Variants in SOX5 observed in about 807,000 individuals in gnomAD.
The protein encoded by SOX5 is transcription factor SOX-5.
Under a neutral mutation model 92.0 loss-of-function variants are expected in SOX5, and 9 were observed. That is an observed-to-expected ratio of 0.10 (90% CI 0.06 to 0.17). The LOEUF is 0.17. Among genes scored for constraint, SOX5 ranks in the 10% least tolerant of loss-of-function variants. SOX5 has a pLI of 1.00. For synonymous variants in SOX5, 344 were observed against 336.3 expected (o/e 1.02, Z -0.25); for missense variants, 642 against 944.5 (o/e 0.68, Z 4.20).
chr12:24,176,381 G>A (rs948122620), intron 4 of SOX5, among the ~76,000 whole-genome samples: 13 of 152,076 alleles, frequency 8.5e-5, no homozygotes, highest in Middle Eastern at 3.2e-3. Context: ...TAAAAATGTC[G>A]GGGTGGGGGA....
chr12:24,482,937 G>A (rs915584310), intron 1 of SOX5, among the ~76,000 whole-genome samples: 1 of 152,138 alleles, frequency 6.6e-6, no homozygotes, highest in African/African-American at 2.4e-5. Flanking sequence ...GCATGTGGGT[G>A]TAAATATACA....
At chr12:24,131,893 G>C (rs984279799) in intron 4 of SOX5, among the ~76,000 whole-genome samples, 2 of 152,030 alleles carry the variant, frequency 1.3e-5, no homozygotes, top group African/African-American at 4.8e-5. Context: ...TATACATTTT[G>C]TCTACACGGA....
intron 3 of SOX5, among the ~76,000 whole-genome samples, chr12:23,831,971 C>CACACACACACAG (rs1482540723): frequency 5.8e-4 from 88 of 151,638 alleles, no homozygotes; most frequent in African/African-American, 2.1e-3. Context: ...CACACACACA[C>CACACACACACAG]ACACACACAC....
intron 2 of SOX5, among the ~76,000 whole-genome samples, chr12:23,893,557 C>T (rs1017472045): frequency 1.3e-5 from 2 of 152,150 alleles, no homozygotes; most frequent in East Asian, 1.9e-4. Context: ...CATACCCATC[C>T]TTCAGTATAC....
intron 3 of SOX5, among the ~76,000 whole-genome samples, chr12:24,222,508 T>C (rs906133068): frequency 5.3e-5 from 8 of 152,248 alleles, no homozygotes; most frequent in Middle Eastern, 3.4e-3. Context: ...TTCGCTGAAA[T>C]TGTGAAGACT....
At chr12:23,703,584 G>A (rs2090966825) in intron 6 of SOX5, among the ~76,000 whole-genome samples, 1 of 151,886 alleles carries the variant, frequency 6.6e-6, no homozygotes, top group South Asian at 2.1e-4. Flanking sequence ...CAGACACTAA[G>A]AAGTCAACTG....
intron 7 of SOX5, among the ~76,000 whole-genome samples, chr12:23,646,042 CTA>C (rs1358937535): frequency 1.3e-5 from 2 of 152,272 alleles, no homozygotes; most frequent in African/African-American, 4.8e-5. Context: ...CTAAAAAATG[CTA>C]TCATCTGAGC....
chr12:24,142,563 G>C (rs1199104373), intron 4 of SOX5, among the ~76,000 whole-genome samples: 1 of 151,960 alleles, frequency 6.6e-6, no homozygotes, highest in African/African-American at 2.4e-5. Context: ...GCAAGATGGA[G>C]TAACAGGGAC....
chr12:24,348,284 T>C (rs1466204030), intron 2 of SOX5, among the ~76,000 whole-genome samples: 1 of 152,076 alleles, frequency 6.6e-6, no homozygotes, highest in Admixed American at 6.5e-5. Context: ...CTTGTATGTC[T>C]ACTGGTCCTT....
intron 1 of SOX5, among the ~76,000 whole-genome samples, chr12:23,922,589 G>A (rs1938631074): frequency 6.6e-6 from 1 of 152,130 alleles, no homozygotes; most frequent in African/African-American, 2.4e-5. Context: ...GTTGAAACCA[G>A]TCTTTAGACG....
chr12:24,268,767 A>G (rs73284915), intron 3 of SOX5, among the ~76,000 whole-genome samples: 3,530 of 152,306 alleles, frequency 0.023, 118 homozygotes, highest in African/African-American at 0.078. Context: ...TTTTTATTTC[A>G]GAGGGTCATT....
At chr12:23,945,534 C>T (rs1944445698) in intron 1 of SOX5, among the ~76,000 whole-genome samples, 2 of 152,152 alleles carry the variant, frequency 1.3e-5, no homozygotes, top group Non-Finnish European at 2.9e-5. Flanking sequence ...GGTTTATGAA[C>T]TGCCTCATGC....
intron 1 of SOX5, among the ~76,000 whole-genome samples, chr12:24,370,494 A>AAAAAAAG: frequency 6.6e-6 from 1 of 151,472 alleles, no homozygotes; most frequent in African/African-American, 2.4e-5. Flanking sequence ...AAAAAAAAAA[A>AAAAAAAG]AGATGTATTG....
rs941793955 is a variant in SOX5 at position 23,701,628 on chromosome 12, C to T, written c.810+33056G>A. 4.6e-5 allele frequency among the ~76,000 whole-genome samples: 7 copies of T among 151,988 alleles called. No individual in the cohort carries two copies. The East Asian group carries it at 7.7e-4, about 17-fold the overall frequency. ...TGCTATCTGTTTCTCATCAGAGAGT[C>T]ATATTATTGTATAGTTACTTAAAAT... is the stretch of plus-strand genomic sequence containing the variant. On this transcript the variant is annotated intron_variant, in intron 6 of 14. Transcript: ENST00000451604.
chr12:24,049,488 T>G (rs1957345334), intron 4 of SOX5, among the ~76,000 whole-genome samples: 1 of 152,162 alleles, frequency 6.6e-6, no homozygotes, highest in Non-Finnish European at 1.5e-5. Flanking sequence ...ATTCAGTTCT[T>G]CAATATTCCA....
intron 6 of SOX5, among the ~76,000 whole-genome samples, chr12:23,718,990 C>T (rs1435605850): frequency 6.6e-6 from 1 of 152,040 alleles, no homozygotes; most frequent in East Asian, 1.9e-4. Flanking sequence ...CATCAGAAGC[C>T]ATTAAAAATC....
At chr12:23,734,815 A>G in intron 5 of SOX5, 63 bp from the exon 6 acceptor site, 2 of 1,334,900 alleles carry the variant, frequency 1.5e-6, no homozygotes, top group Middle Eastern at 3.7e-4. Flanking sequence ...GAAGTTACTA[A>G]TGTTCTGTTT....
At chr12:23,619,341 T>A (rs1038851793) in intron 8 of SOX5, among the ~76,000 whole-genome samples, 1 of 152,172 alleles carries the variant, frequency 6.6e-6, no homozygotes, top group Admixed American at 6.6e-5. Context: ...CCATGTCATA[T>A]CTCTTGGAAC....
At chr12:23,927,945 A>G (rs1172514130) in intron 1 of SOX5, among the ~76,000 whole-genome samples, 2 of 152,088 alleles carry the variant, frequency 1.3e-5, no homozygotes, top group Non-Finnish European at 2.9e-5. Flanking sequence ...TCCAGAACCC[A>G]GAAGATTTAG....
Sources: gnomAD v4.1 joint callset for allele counts (sites outside exome capture counted in the v4.1 genomes callset) on GRCh38, gnomAD v4.1.1 for gene constraint, MANE v1.5 for transcripts, NCBI Gene and HGNC (gene_info 2026-07-23, HGNC 2026-07-21) for gene names.